Variants in CTNNA2 observed in about 807,000 individuals in gnomAD.
CTNNA2 encodes the protein catenin alpha-2.
In CTNNA2, 42 loss-of-function variants were observed where a neutral mutation model predicts 101.0. The observed-to-expected ratio is 0.42, with a 90% CI of 0.32 to 0.54. The LOEUF (loss-of-function observed/expected upper bound fraction) is 0.54. Among genes scored for constraint, CTNNA2 ranks in the 20% least tolerant of loss-of-function variants. The pLI, the probability that CTNNA2 is intolerant of heterozygous loss-of-function variation, is 0.14. For missense variants in CTNNA2, 871 were observed against 1,223.1 expected (o/e 0.71, Z 4.29); for synonymous variants, 450 against 456.4 (o/e 0.99, Z 0.18).
At chr2:79,964,903 T>C (rs981012463) in intron 7 of CTNNA2, among the ~76,000 whole-genome samples, 1 of 152,192 alleles carries the variant, frequency 6.6e-6, no homozygotes, top group Non-Finnish European at 1.5e-5. Context: ...ATAAGTGACA[T>C]GGTCTAACTC....
intron 7 of CTNNA2, among the ~76,000 whole-genome samples, chr2:80,341,089 C>T (rs558454369): frequency 2.2e-4 from 33 of 152,218 alleles, no homozygotes; most frequent in African/African-American, 7.7e-4. Flanking sequence ...AGTTGGGGTG[C>T]ACCTCCCCCA....
At chr2:79,660,323 G>GTATGTGTATGTATACTATACA (rs1383059497) in intron 2 of CTNNA2, among the ~76,000 whole-genome samples, 2 of 149,896 alleles carry the variant, frequency 1.3e-5, no homozygotes, top group Admixed American at 6.7e-5. Flanking sequence ...ATATACATAT[G>GTATGTGTATGTATACTATACA]TATGTGTATG....
intron 1 of CTNNA2, among the ~76,000 whole-genome samples, chr2:79,591,385 A>T (rs1008567270): frequency 8.5e-5 from 13 of 152,222 alleles, no homozygotes; most frequent in Non-Finnish European, 1.5e-5. Flanking sequence ...GTGATATGAT[A>T]GAATGCTCCT....
At chr2:79,687,518 T>G (rs1252898817) in intron 2 of CTNNA2, 3 of 670,640 alleles carry the variant, frequency 4.5e-6, no homozygotes, top group Middle Eastern at 5.0e-4. Flanking sequence ...GGGCACACAC[T>G]GGAATCCACC....
At chr2:79,737,998 T>A (rs1197043715) in intron 2 of CTNNA2, among the ~76,000 whole-genome samples, 1 of 152,230 alleles carries the variant, frequency 6.6e-6, no homozygotes, top group African/African-American at 2.4e-5. Flanking sequence ...GTTGACAAAT[T>A]GTCTTAAAAT....
rs1173407899 is a variant in CTNNA2 at position 80,043,087 on chromosome 2, C to CTT, written c.1056+133292_1056+133293dup. On this transcript the variant is annotated intron_variant, in intron 7 of 18. Coordinates refer to ENST00000402739, the MANE Select transcript of CTNNA2 (RefSeq NM_001282597.3). ...TCTTTCTTTCTTTCTTTCTTTCTTT[C>CTT]TTTCTTTCTCTCTCTCTCTCTCTCT... Among the ~76,000 whole-genome samples, 2 of 17,410 alleles carry CTT rather than the reference C, an allele frequency of 1.1e-4. 1 individual carries two copies. The highest frequency in any genetic ancestry group is 7.5e-4 in the African/African-American group (2 of 2,682). 11.4% of individuals were successfully genotyped at this position (17,410 alleles called of 152,430 possible).
At chr2:80,031,313 A>C (rs1346968172) in intron 7 of CTNNA2, among the ~76,000 whole-genome samples, 3 of 152,228 alleles carry the variant, frequency 2.0e-5, no homozygotes, top group African/African-American at 7.2e-5. Context: ...GCTAATAAAG[A>C]CATACCTGAA....
chr2:80,416,269 G>T (rs1444630893), intron 8 of CTNNA2, among the ~76,000 whole-genome samples: 2 of 151,728 alleles, frequency 1.3e-5, no homozygotes, highest in Non-Finnish European at 2.9e-5. Context: ...CTCAATTGTG[G>T]TAATCATTTC....
At chr2:80,467,814 C>T (rs550770155) in intron 9 of CTNNA2, among the ~76,000 whole-genome samples, 10 of 152,158 alleles carry the variant, frequency 6.6e-5, no homozygotes, top group African/African-American at 1.9e-4. Flanking sequence ...CTTGTTTGCC[C>T]CTTCTGCCAT....
intron 7 of CTNNA2, among the ~76,000 whole-genome samples, chr2:80,285,070 G>C (rs1674652000): frequency 6.6e-6 from 1 of 152,120 alleles, no homozygotes; most frequent in Admixed American, 6.5e-5. Context: ...TTCTGGAAGT[G>C]AAATATTACT....
intron 1 of CTNNA2, among the ~76,000 whole-genome samples, chr2:79,570,478 G>A (rs1031220541): frequency 1.3e-5 from 2 of 152,054 alleles, no homozygotes; most frequent in Non-Finnish European, 2.9e-5. Flanking sequence ...ATCCAATTTA[G>A]ATAAGGGAAT....
intron 7 of CTNNA2, among the ~76,000 whole-genome samples, chr2:79,942,825 G>C (rs1411199911): frequency 6.6e-6 from 1 of 152,080 alleles, no homozygotes; most frequent in Non-Finnish European, 1.5e-5. Context: ...TATATGAGAT[G>C]AAATGTAGAA....
intron 16 of CTNNA2, among the ~76,000 whole-genome samples, chr2:80,604,721 A>G (rs1269175246): frequency 6.6e-6 from 1 of 151,938 alleles, no homozygotes; most frequent in Non-Finnish European, 1.5e-5. Context: ...AGGAGAGAAA[A>G]GAGCAACCTG....
intron 3 of CTNNA2, among the ~76,000 whole-genome samples, chr2:79,336,005 T>C (rs967196048): frequency 6.6e-6 from 1 of 152,226 alleles, no homozygotes; most frequent in African/African-American, 2.4e-5. Flanking sequence ...TAAGAAATAC[T>C]GCAATAAATC....
At chr2:79,309,140 G>A (rs1384880666) in intron 2 of CTNNA2, among the ~76,000 whole-genome samples, 1 of 151,958 alleles carries the variant, frequency 6.6e-6, no homozygotes, top group East Asian at 1.9e-4. Context: ...TTTGCAATAT[G>A]TTTTAACATA....
chr2:79,528,212 C>CT (rs778853547), intron 1 of CTNNA2, among the ~76,000 whole-genome samples: 7 of 77,354 alleles, frequency 9.0e-5, no homozygotes, highest in Middle Eastern at 7.0e-3. Context: ...CTTTTCTTTT[C>CT]TTTTTTTTTT....
At chr2:79,190,367 T>G (rs950127951) in intron 1 of CTNNA2, among the ~76,000 whole-genome samples, 3 of 152,100 alleles carry the variant, frequency 2.0e-5, no homozygotes, top group African/African-American at 7.2e-5. Flanking sequence ...TTTCTCAAAT[T>G]TTTGGCTGCT....
chr2:80,548,446 G>A (rs564209104), intron 11 of CTNNA2, among the ~76,000 whole-genome samples: 1 of 152,198 alleles, frequency 6.6e-6, no homozygotes, highest in East Asian at 1.9e-4. Flanking sequence ...TTTTCAATAG[G>A]ACAAAGCTTT....
At chr2:80,026,885 G>T (rs543995658) in intron 7 of CTNNA2, among the ~76,000 whole-genome samples, 8 of 152,100 alleles carry the variant, frequency 5.3e-5, no homozygotes, top group Non-Finnish European at 1.2e-4. Context: ...TATTTATGAA[G>T]TCCCTACTAT....
Sources: allele counts gnomAD v4.1 joint callset (sites outside exome capture counted in the v4.1 genomes callset), GRCh38; gene constraint gnomAD v4.1.1; transcripts MANE v1.5; gene names NCBI Gene and HGNC (gene_info 2026-07-23, HGNC 2026-07-21).